Variants in VDAC2 observed in about 807,000 individuals in gnomAD.
The protein encoded by VDAC2 is non-selective voltage-gated ion channel VDAC2.
Under a neutral mutation model 36.6 loss-of-function variants are expected in VDAC2, and 6 were observed. The observed-to-expected ratio is 0.16, with a 90% CI of 0.09 to 0.32. The LOEUF (loss-of-function observed/expected upper bound fraction) is 0.32. VDAC2 is among the 10% of genes least tolerant of loss of function. The pLI is 1.00. For missense variants in VDAC2, 247 were observed against 346.0 expected (o/e 0.71, Z 2.27); for synonymous variants, 109 against 123.8 (o/e 0.88, Z 0.79).
chr10:75,219,454 T>A (rs1841732776), intron 6 of VDAC2, 98 bp downstream of exon 6: 1 of 1,005,532 alleles, frequency 9.9e-7, no homozygotes, highest in Admixed American at 2.5e-5. Flanking sequence ...CTTATTAAGC[T>A]ACCTTGTGGT....
intron 4 of VDAC2, among the ~76,000 whole-genome samples, chr10:75,215,910 CAG>C (rs199624592): frequency 0.022 from 3,350 of 151,854 alleles, 129 homozygotes; most frequent in African/African-American, 0.076. Flanking sequence ...TTAGTAGAAA[CAG>C]GGTTTTGCCA....
chr10:75,212,143 T>C (rs1482979822), intron 2 of VDAC2, 87 bp from the exon 3 acceptor site: 9 of 1,183,516 alleles, frequency 7.6e-6, no homozygotes, highest in Non-Finnish European at 1.1e-5. Context: ...GCTTGAATTT[T>C]AATATCAGCA....
In VDAC2 at chr10:75,211,189, C is replaced by T; in HGVS notation, c.31C>T (p.Pro11Ser). MATHGQTCARPMCIPPSYADL... is the reference protein window; with the variant it reads MATHGQTCARSMCIPPSYADL... ...GACCCACGGACAGACTTGCGCGCGTCGTAAGTAAAGCTGGGATCTCTGCGG... is the reference window on the plus strand; with the variant it reads ...GACCCACGGACAGACTTGCGCGCGTTGTAAGTAAAGCTGGGATCTCTGCGG... Residue 11 changes from proline to serine, a missense_variant and splice_region_variant, in exon 2 of 10, where the codon CCA becomes TCA. Pro to Ser is a moderately conservative substitution (Grantham distance 74). Around this residue, in one of 3 missense-constraint regions of VDAC2, gnomAD observed 76 missense variants for 76.9 expected, o/e 0.99. Coordinates refer to ENST00000332211, the MANE Select transcript of VDAC2 (RefSeq NM_001391963.1). 1.2e-6 allele frequency: 2 copies of T among 1,613,192 alleles called. No homozygotes were observed. The highest frequency in any genetic ancestry group is 1.7e-6 in the Non-Finnish European group (2 of 1,179,656).
chr10:75,211,074 C>T (rs973416646), intron 1 of VDAC2, 60 bp from the exon 2 acceptor site: 8 of 1,482,734 alleles, frequency 5.4e-6, no homozygotes, highest in Non-Finnish European at 6.4e-6. Context: ...CCCCTCTCTG[C>T]CCGGGATCTC....
intron 7 of VDAC2, among the ~76,000 whole-genome samples, chr10:75,221,518 A>G (rs954745056): frequency 1.3e-5 from 2 of 152,068 alleles, no homozygotes; most frequent in Non-Finnish European, 2.9e-5. Flanking sequence ...TTTTTGGTAG[A>G]GACGGGGTTT....
chr10:75,226,451 G>GTTTTTTT (rs147954706), intron 8 of VDAC2, among the ~76,000 whole-genome samples: 2 of 100,902 alleles, frequency 2.0e-5, no homozygotes, highest in African/African-American at 7.9e-5. Context: ...TCTTTTGTGG[G>GTTTTTTT]TTTTTTTTTT....
intron 8 of VDAC2, among the ~76,000 whole-genome samples, chr10:75,225,985 G>A (rs1841940706): frequency 6.6e-6 from 1 of 152,066 alleles, no homozygotes; most frequent in Admixed American, 6.6e-5. Context: ...TAGAGATGAG[G>A]TTTCGCCGTG....
chr10:75,228,274 C>CT (rs59508378), intron 8 of VDAC2, among the ~76,000 whole-genome samples: 30,816 of 132,666 alleles, frequency 0.23, 3,760 homozygotes, highest in East Asian at 0.57. Flanking sequence ...ATTTTTCTTT[C>CT]TTTTTTTTTT....
chr10:75,212,154 G>A lies in VDAC2; in HGVS notation c.32-76G>A, dbSNP rs534742319. On this transcript the variant is annotated intron_variant, in intron 2 of 9. Coordinates refer to ENST00000332211, the MANE Select transcript of VDAC2 (RefSeq NM_001391963.1). Reference sequence around the variant, plus strand: ...GATTGCTTGAATTTTAATATCAGCAGTGGGTCATGCTCTTGTTCTTGGATA... The same window carrying A: ...GATTGCTTGAATTTTAATATCAGCAATGGGTCATGCTCTTGTTCTTGGATA... 2.8e-5 allele frequency: 36 copies of A among 1,299,600 alleles called. No individual in the cohort carries two copies. The Middle Eastern group carries it at 1.3e-3, about 47-fold the overall frequency. 80.5% of individuals were successfully genotyped at this position (1,299,600 alleles called of 1,614,324 possible).
chr10:75,211,230 A>T lies in VDAC2; in HGVS notation c.31+41A>T, dbSNP rs377371816. On this transcript the variant is annotated intron_variant, in intron 2 of 9. Transcript: ENST00000332211. ...ATCTCTGCGGGATGGGGCGGCGGAG[A>T]GTCGAAGCCTGTCGACCAGAAACCC... 8 of 1,606,408 alleles carry T rather than the reference A, an allele frequency of 5.0e-6. No individual in the cohort carries two copies. The Admixed American group carries it at 1.4e-4, about 27-fold the overall frequency.
chr10:75,221,831 T>C (rs1020349275), intron 7 of VDAC2, among the ~76,000 whole-genome samples: 1 of 152,242 alleles, frequency 6.6e-6, no homozygotes, highest in Non-Finnish European at 1.5e-5. Flanking sequence ...AAAATGTTTT[T>C]CTTTCCATTG....
intron 8 of VDAC2, chr10:75,229,240 C>T (rs2132285365): frequency 6.6e-6 from 1 of 152,648 alleles, no homozygotes; most frequent in South Asian, 2.1e-4. Context: ...GTAACTAAGT[C>T]ATGAATTTAA....
intron 1 of VDAC2, 66 bp from the exon 2 acceptor site, chr10:75,211,066 CCT>C: frequency 7.0e-7 from 1 of 1,436,674 alleles, no homozygotes; most frequent in Non-Finnish European, 9.4e-7. Flanking sequence ...GCCCCTCGCC[CCT>C]CTCTGCCCGG....
chr10:75,211,572 T>C, intron 2 of VDAC2: 1 of 1,550,630 alleles, frequency 6.4e-7, no homozygotes, highest in Middle Eastern at 1.7e-4. Context: ...GTGGACGTGC[T>C]TTGTGGAATG....
chr10:75,217,858 A>G (rs1590002602), intron 4 of VDAC2: 1 of 1,230,118 alleles, frequency 8.1e-7, no homozygotes, highest in Non-Finnish European at 1.1e-6. Context: ...CCTCCTATTG[A>G]TACAATTTTT....
intron 8 of VDAC2, among the ~76,000 whole-genome samples, chr10:75,227,458 G>A (rs771622833): frequency 2.6e-5 from 4 of 152,032 alleles, no homozygotes; most frequent in Non-Finnish European, 5.9e-5. Context: ...AGAATCGTTT[G>A]CTTGATGTGT....
upstream of VDAC2, among the ~76,000 whole-genome samples, chr10:75,210,482 C>T (rs1841367336): frequency 6.6e-6 from 1 of 152,208 alleles, no homozygotes; most frequent in South Asian, 2.1e-4. Context: ...GGCCACGCGC[C>T]GACGCCCCGC....
chr10:75,216,700 A>T (rs1050851812), intron 4 of VDAC2, among the ~76,000 whole-genome samples: 4 of 152,168 alleles, frequency 2.6e-5, no homozygotes, highest in East Asian at 1.9e-4. Context: ...TGGCATGTGT[A>T]TATAGGCTGG....
At chr10:75,226,567 G>C (rs1479078709) in intron 8 of VDAC2, among the ~76,000 whole-genome samples, 1 of 148,974 alleles carries the variant, frequency 6.7e-6, no homozygotes, top group African/African-American at 2.5e-5. Flanking sequence ...GGTTCAAGCA[G>C]TTCTCGTGCC....
Sources: gnomAD v4.1 joint callset for allele counts (sites outside exome capture counted in the v4.1 genomes callset) on GRCh38, gnomAD v4.1.1 for gene constraint, gnomAD v4.1.1 regional missense constraint, MANE v1.5 for transcripts, NCBI Gene and HGNC (gene_info 2026-07-23, HGNC 2026-07-21) for gene names.